ZNF385D: variants seen among roughly 807,000 people sequenced by gnomAD.
The protein encoded by ZNF385D is zinc finger protein 385D, also known as zinc finger protein 659.
ZNF385D carries 15 observed loss-of-function variants against 35.8 expected under a neutral mutation model. The observed-to-expected ratio is 0.42, with a 90% CI of 0.28 to 0.64. ZNF385D has a LOEUF of 0.64. Ranked by LOEUF, ZNF385D falls within the 30% of genes least tolerant of loss-of-function variation. The pLI, the probability that ZNF385D is intolerant of heterozygous loss-of-function variation, is 0.23. For missense variants in ZNF385D, 474 were observed against 494.6 expected, an observed-to-expected ratio of 0.96 and a Z score of 0.39; for synonymous variants, 212 against 186.8, an observed-to-expected ratio of 1.13 and a Z score of -1.10.
At chr3:21,990,410 T>C (rs899354959) in intron 3 of ZNF385D, among the ~76,000 whole-genome samples, 2 of 152,204 alleles carry the variant, frequency 1.3e-5, no homozygotes, top group East Asian at 1.9e-4. Context: ...CTTACCTAAC[T>C]TCCTAGCAAG....
At position 21,414,281 on chromosome 3, in the gene ZNF385D, A is replaced by T. The variant is rs771373949; in HGVS notation, c.*6933T>A. The T allele has an allele frequency of 1.1e-4, 16 of 152,234 alleles. No individual in the cohort carries two copies. The highest frequency in any genetic ancestry group is 3.4e-3 in the Middle Eastern group (1 of 294). 9.4% of individuals were successfully genotyped at this position (152,234 alleles called of 1,614,324 possible). ...ACATAAGATTTTTGCTGATAAAATA[A>T]ATGAAAGAAACTATGACTAAAAATA... On this transcript the variant is annotated 3_prime_UTR_variant, in exon 8 of 8. Transcript: ENST00000281523.
At chr3:21,896,326 T>C (rs1699133324) in intron 3 of ZNF385D, among the ~76,000 whole-genome samples, 2 of 152,170 alleles carry the variant, frequency 1.3e-5, no homozygotes, top group Non-Finnish European at 2.9e-5. Context: ...CTCAAGTATC[T>C]ATATTTTAAT....
chr3:22,122,974 T>C (rs1703177245), intron 3 of ZNF385D, among the ~76,000 whole-genome samples: 1 of 152,130 alleles, frequency 6.6e-6, no homozygotes, highest in African/African-American at 2.4e-5. Flanking sequence ...ATATAGGGCT[T>C]TGGAGGCAAC....
At chr3:21,851,197 T>C (rs1696363242) in intron 3 of ZNF385D, among the ~76,000 whole-genome samples, 1 of 151,780 alleles carries the variant, frequency 6.6e-6, no homozygotes, top group South Asian at 2.1e-4. Context: ...GTAAGTGAAA[T>C]AAAAAATTCA....
intron 3 of ZNF385D, among the ~76,000 whole-genome samples, chr3:21,974,228 A>G (rs1251401741): frequency 1.3e-5 from 2 of 152,140 alleles, no homozygotes; most frequent in Non-Finnish European, 2.9e-5. Flanking sequence ...AAACAGACAT[A>G]TAGACCAGTG....
At chr3:21,961,995 G>T (rs774308199) in intron 3 of ZNF385D, among the ~76,000 whole-genome samples, 7 of 152,146 alleles carry the variant, frequency 4.6e-5, no homozygotes, top group Non-Finnish European at 7.4e-5. Flanking sequence ...TTGTGGGCCA[G>T]ATTAAGGAAG....
At chr3:21,923,250 T>A (rs1207593365) in intron 3 of ZNF385D, among the ~76,000 whole-genome samples, 1 of 151,858 alleles carries the variant, frequency 6.6e-6, no homozygotes, top group Non-Finnish European at 1.5e-5. Flanking sequence ...GTTCTCATTG[T>A]TCAATTCTGC....
At chr3:21,947,021 T>C (rs1694016) in intron 3 of ZNF385D, among the ~76,000 whole-genome samples, 39,381 of 151,980 alleles carry the variant, frequency 0.26, 5,800 homozygotes, top group Admixed American at 0.41. Flanking sequence ...TCAGTTTGAG[T>C]ATGCCTGAGA....
intron 1 of ZNF385D, among the ~76,000 whole-genome samples, chr3:21,691,784 A>C (rs1222419518): frequency 2.0e-5 from 3 of 152,226 alleles, no homozygotes; most frequent in Non-Finnish European, 2.9e-5. Flanking sequence ...TAGTGGTATT[A>C]ACTACACTCA....
intron 2 of ZNF385D, among the ~76,000 whole-genome samples, chr3:21,610,730 G>A (rs899492998): frequency 6.6e-6 from 1 of 151,548 alleles, no homozygotes; most frequent in African/African-American, 2.4e-5. Flanking sequence ...AGCCGAGATC[G>A]CGCCACTGCA....
At chr3:21,810,912 T>A (rs1442819740) in intron 3 of ZNF385D, among the ~76,000 whole-genome samples, 1 of 151,312 alleles carries the variant, frequency 6.6e-6, no homozygotes, top group Non-Finnish European at 1.5e-5. Flanking sequence ...TGTACATATA[T>A]AATGAAAACA....
intron 3 of ZNF385D, among the ~76,000 whole-genome samples, chr3:21,859,965 G>C (rs1413229653): frequency 6.6e-6 from 1 of 151,840 alleles, no homozygotes; most frequent in Admixed American, 6.6e-5. Flanking sequence ...AATAATTTCA[G>C]ACACAATTTG....
chr3:21,720,015 G>C (rs748375437), intron 1 of ZNF385D, among the ~76,000 whole-genome samples: 7 of 152,074 alleles, frequency 4.6e-5, no homozygotes, highest in Non-Finnish European at 1.0e-4. Context: ...ACCTAGAATA[G>C]TGGTTGTGAA....
intron 3 of ZNF385D, among the ~76,000 whole-genome samples, chr3:21,766,957 G>A (rs994456979): frequency 6.6e-6 from 1 of 152,028 alleles, no homozygotes; most frequent in African/African-American, 2.4e-5. Context: ...GACTCAAGTT[G>A]TGAGCTCAAT....
At chr3:21,706,777 G>C (rs1305457697) in intron 1 of ZNF385D, among the ~76,000 whole-genome samples, 1 of 152,082 alleles carries the variant, frequency 6.6e-6, no homozygotes, top group Non-Finnish European at 1.5e-5. Flanking sequence ...TTCCACTTCT[G>C]AGAGAGCAGC....
intron 3 of ZNF385D, among the ~76,000 whole-genome samples, chr3:21,969,375 G>C (rs142598936): frequency 6.6e-6 from 1 of 152,068 alleles, no homozygotes; most frequent in Non-Finnish European, 1.5e-5. Context: ...AGATCTGATG[G>C]TTTTATAAGG....
chr3:21,731,480 T>C (rs372968852), intron 1 of ZNF385D, among the ~76,000 whole-genome samples: 16 of 152,204 alleles, frequency 1.1e-4, no homozygotes, highest in South Asian at 4.1e-4. Context: ...TTTGTTTCAA[T>C]TGATGAACCT....
At chr3:21,653,622 TA>T (rs1384437762) in intron 2 of ZNF385D, among the ~76,000 whole-genome samples, 5 of 152,070 alleles carry the variant, frequency 3.3e-5, no homozygotes, top group Admixed American at 3.3e-4. Context: ...TCAAAATAAT[TA>T]TTTATCTGCC....
At chr3:22,344,471 C>G (rs1695564616) in intron 2 of ZNF385D, among the ~76,000 whole-genome samples, 1 of 152,274 alleles carries the variant, frequency 6.6e-6, no homozygotes, top group South Asian at 2.1e-4. Context: ...CTCACAGCAG[C>G]CTTGACCTCC....
Sources: gnomAD v4.1 joint callset for allele counts (sites outside exome capture counted in the v4.1 genomes callset) on GRCh38, gnomAD v4.1.1 for gene constraint, MANE v1.5 for transcripts, NCBI Gene and HGNC (gene_info 2026-07-23, HGNC 2026-07-21) for gene names.